Variants in TMEM268 observed in about 807,000 individuals in gnomAD.
TMEM268 encodes the protein transmembrane protein C9orf91.
A neutral mutation model predicts 39.1 loss-of-function variants in TMEM268; 24 were observed. The ratio of observed to expected loss-of-function variants is 0.61; its 90% CI spans 0.44 to 0.86. TMEM268 has a LOEUF of 0.86. Ranked by LOEUF, TMEM268 falls within the 40% of genes least tolerant of loss-of-function variation. TMEM268 has a pLI of 0.00. For synonymous variants in TMEM268, 176 were observed against 173.5 expected (o/e 1.01, Z -0.12); for missense variants, 409 against 428.6 (o/e 0.95, Z 0.40).
chr9:114,631,282 C>CAAAAAAAAA (rs3035421), intron 5 of TMEM268, among the ~76,000 whole-genome samples: 3 of 130,182 alleles, frequency 2.3e-5, no homozygotes, highest in Admixed American at 7.8e-5. Flanking sequence ...CAGCCTGCCT[C>CAAAAAAAAA]AAAAAAAAAA....
the TMEM268 span, among the ~76,000 whole-genome samples, chr9:114,605,551 G>A: frequency 6.6e-6 from 1 of 152,264 alleles, no homozygotes; most frequent in South Asian, 2.1e-4. Context: ...AGTTTACTGT[G>A]TTTGAAGGGA....
intron 2 of TMEM268, 85 bp from the exon 3 acceptor site, chr9:114,624,265 G>A (rs1846062962): frequency 7.2e-6 from 11 of 1,532,426 alleles, no homozygotes; most frequent in Admixed American, 2.0e-5. Flanking sequence ...ATGGCCAGAG[G>A]TGTGATGCCG....
chr9:114,620,704 C>A (rs1845913766), intron 2 of TMEM268, among the ~76,000 whole-genome samples: 1 of 152,072 alleles, frequency 6.6e-6, no homozygotes, highest in African/African-American at 2.4e-5. Flanking sequence ...TTATTTTGTA[C>A]CCATCTTGTG....
intron 1 of TMEM268, among the ~76,000 whole-genome samples, chr9:114,612,773 C>T (rs1407462841): frequency 6.6e-6 from 1 of 152,228 alleles, no homozygotes; most frequent in African/African-American, 2.4e-5. Context: ...CTCCCTCTCA[C>T]TGCCTTGTTG....
intron 1 of TMEM268, among the ~76,000 whole-genome samples, chr9:114,614,936 G>A (rs12685838): frequency 0.025 from 3,502 of 141,510 alleles, 72 homozygotes; most frequent in East Asian, 0.078. Context: ...TCTCTCTGTC[G>A]CCCAGGCTGG....
rs1175801480 is a variant in TMEM268, at chr9:114,625,897, G to A, written c.217-1002G>A. Among the ~76,000 whole-genome samples the A allele has an allele frequency of 7.2e-5, 11 of 151,962 alleles. No homozygotes were observed. In the East Asian group the frequency reaches 1.9e-3, roughly 27 times the overall value. On this transcript the variant is annotated intron_variant, in intron 3 of 8. Transcript: ENST00000288502. ...GCTGGAGTACAGTGGTGTGATCTCG[G>A]CTCACTGCAACCTCTGCCTCCCGGC...
intron 5 of TMEM268, among the ~76,000 whole-genome samples, chr9:114,633,223 G>A (rs1021006548): frequency 1.1e-4 from 17 of 150,808 alleles, no homozygotes; most frequent in Non-Finnish European, 1.8e-4. Flanking sequence ...GTGCAGTGGC[G>A]TGATCTCTGT....
chr9:114,616,006 TTTTTTC>T (rs1845690562), intron 1 of TMEM268, among the ~76,000 whole-genome samples: 1 of 145,580 alleles, frequency 6.9e-6, no homozygotes, highest in South Asian at 2.5e-4. Flanking sequence ...TTTCTTTTTC[TTTTTTC>T]TTTTCTTTTT....
chr9:114,632,877 G>A (rs1420762906), intron 5 of TMEM268, among the ~76,000 whole-genome samples: 1 of 152,212 alleles, frequency 6.6e-6, no homozygotes. Flanking sequence ...AAGGTTCAGG[G>A]AAGGGACATA....
the TMEM268 span, among the ~76,000 whole-genome samples, chr9:114,605,647 G>A: frequency 2.0e-5 from 3 of 152,162 alleles, no homozygotes; most frequent in Non-Finnish European, 4.4e-5. Flanking sequence ...ACGGCCGGGT[G>A]CAGTGGCTGA....
At chr9:114,609,400 G>A (rs371725852), upstream of TMEM268, among the ~76,000 whole-genome samples, 1 of 152,194 alleles carries the variant, frequency 6.6e-6, no homozygotes, top group East Asian at 1.9e-4. Flanking sequence ...CAGGCATGGT[G>A]GCTTGCACGT....
At chr9:114,628,507 G>A (rs991337087) in intron 5 of TMEM268, among the ~76,000 whole-genome samples, 5 of 152,126 alleles carry the variant, frequency 3.3e-5, no homozygotes, top group African/African-American at 7.2e-5. Flanking sequence ...GTAATTGCCC[G>A]TATCCTGACA....
intron 1 of TMEM268, among the ~76,000 whole-genome samples, chr9:114,614,494 A>G (rs1033640901): frequency 6.6e-6 from 1 of 152,220 alleles, no homozygotes; most frequent in Non-Finnish European, 1.5e-5. Flanking sequence ...CATTGGGCCC[A>G]TTCTGTAGCT....
intron 1 of TMEM268, among the ~76,000 whole-genome samples, chr9:114,611,900 G>A (rs1186724723): frequency 1.3e-5 from 2 of 152,246 alleles, no homozygotes; most frequent in Non-Finnish European, 2.9e-5. Context: ...CGAGACAGCT[G>A]CCCAAGGCCA....
At chr9:114,621,602 G>C (rs1845949038) in intron 2 of TMEM268, among the ~76,000 whole-genome samples, 1 of 151,942 alleles carries the variant, frequency 6.6e-6, no homozygotes, top group African/African-American at 2.4e-5. Context: ...GGTAGGTTTA[G>C]CAGAGGATTT....
At chr9:114,642,345 T>G (rs1827389812) in intron 8 of TMEM268, among the ~76,000 whole-genome samples, 1 of 149,066 alleles carries the variant, frequency 6.7e-6, no homozygotes, top group Non-Finnish European at 1.5e-5. Flanking sequence ...TTTTTCCCTT[T>G]TTTATGTTTT....
At chr9:114,619,864 C>T (rs77833423) in intron 2 of TMEM268, among the ~76,000 whole-genome samples, 7,021 of 151,820 alleles carry the variant, frequency 0.046, 211 homozygotes, top group East Asian at 0.13. Flanking sequence ...TTCTTATTGT[C>T]TGCCTTTTTT....
intron 2 of TMEM268, among the ~76,000 whole-genome samples, chr9:114,621,308 T>A (rs1426850291): frequency 1.3e-5 from 2 of 149,274 alleles, no homozygotes; most frequent in Non-Finnish European, 3.0e-5. Flanking sequence ...TTAGTGTCAC[T>A]GCACTCCAGC....
At chr9:114,607,442 G>C (rs887958471), upstream of TMEM268, among the ~76,000 whole-genome samples, 8 of 152,130 alleles carry the variant, frequency 5.3e-5, no homozygotes, top group Non-Finnish European at 8.8e-5. Flanking sequence ...TATTGCTTGA[G>C]CTCAAGAGTT....
Sources: allele counts gnomAD v4.1 joint callset (sites outside exome capture counted in the v4.1 genomes callset), GRCh38; gene constraint gnomAD v4.1.1; transcripts MANE v1.5; gene names NCBI Gene and HGNC (gene_info 2026-07-23, HGNC 2026-07-21).